The following RNLS variants were observed in gnomAD, a reference collection of about 807,000 sequenced individuals.
RNLS encodes the protein renalase, FAD dependent amine oxidase.
RNLS carries 39 observed loss-of-function variants against 39.8 expected under a neutral mutation model. The ratio of observed to expected loss-of-function variants is 0.98; its 90% CI spans 0.76 to 1.28. The LOEUF is 1.28. Ranked by LOEUF, RNLS falls within the 50% of genes most tolerant of loss-of-function variation. The probability of loss-of-function intolerance (pLI) is 0.00; values close to 1 mark genes in which losing one functional copy is unlikely to be tolerated. For missense variants in RNLS, 410 were observed against 413.3 expected (o/e 0.99, Z 0.07); for synonymous variants, 147 against 150.7 (o/e 0.98, Z 0.18).
At chr10:88,460,452 T>G (rs1002347293) in intron 4 of RNLS, among the ~76,000 whole-genome samples, 2 of 152,098 alleles carry the variant, frequency 1.3e-5, no homozygotes, top group African/African-American at 4.8e-5. Context: ...TCCCAGATTA[T>G]CCACCTGAGG....
intron 4 of RNLS, among the ~76,000 whole-genome samples, chr10:88,553,710 T>C (rs1469708823): frequency 6.6e-6 from 1 of 152,188 alleles, no homozygotes; most frequent in Non-Finnish European, 1.5e-5. Flanking sequence ...TCCGTCTTTA[T>C]TAATGCTAAT....
chr10:88,534,594 G>C (rs1847634498), intron 4 of RNLS, among the ~76,000 whole-genome samples: 1 of 152,070 alleles, frequency 6.6e-6, no homozygotes, highest in African/African-American at 2.4e-5. Flanking sequence ...GATTCCTCTT[G>C]TGTCAATGAA....
intron 4 of RNLS, among the ~76,000 whole-genome samples, chr10:88,444,966 G>A (rs1841951425): frequency 6.6e-6 from 1 of 152,098 alleles, no homozygotes; most frequent in African/African-American, 2.4e-5. Flanking sequence ...GAAATACAGA[G>A]AATGCCATAA....
chr10:88,465,972 G>A (rs1843181121), intron 4 of RNLS, among the ~76,000 whole-genome samples: 2 of 151,972 alleles, frequency 1.3e-5, no homozygotes, highest in Non-Finnish European at 2.9e-5. Flanking sequence ...GAAACCCTGG[G>A]GCAGAGCTAC....
At chr10:88,479,980 A>G (rs186069270) in intron 4 of RNLS, among the ~76,000 whole-genome samples, 157 of 152,166 alleles carry the variant, frequency 1.0e-3, no homozygotes, top group East Asian at 7.7e-4. Flanking sequence ...ACATTCATCA[A>G]GTGTTTGCCT....
chr10:88,242,409 T>C, the RNLS span, among the ~76,000 whole-genome samples: 1 of 152,238 alleles, frequency 6.6e-6, no homozygotes, highest in South Asian at 2.1e-4. Flanking sequence ...GTTTTCCTCA[T>C]AGCATTTATT....
intron 6 of RNLS, among the ~76,000 whole-genome samples, chr10:88,278,891 A>G (rs967130044): frequency 1.3e-5 from 2 of 152,192 alleles, no homozygotes; most frequent in African/African-American, 4.8e-5. Context: ...GTACTTACTA[A>G]TATTAGAATA....
At chr10:88,570,389 C>T (rs1000910630) in intron 4 of RNLS, among the ~76,000 whole-genome samples, 2 of 152,100 alleles carry the variant, frequency 1.3e-5, no homozygotes, top group Non-Finnish European at 1.5e-5. Flanking sequence ...AGAAGTAATA[C>T]GGACCAGTGA....
At chr10:88,580,653 T>C (rs1450156895) in intron 3 of RNLS, among the ~76,000 whole-genome samples, 1 of 151,984 alleles carries the variant, frequency 6.6e-6, no homozygotes. Flanking sequence ...AAGGAACAAA[T>C]GAAAATCCTA....
chr10:88,299,372 C>T (rs1226131610), intron 6 of RNLS, among the ~76,000 whole-genome samples: 1 of 152,140 alleles, frequency 6.6e-6, no homozygotes, highest in Non-Finnish European at 1.5e-5. Context: ...CCTGTAATCC[C>T]AGCACTTTGG....
At chr10:88,370,626 C>T (rs548648175) in intron 4 of RNLS, among the ~76,000 whole-genome samples, 34 of 152,216 alleles carry the variant, frequency 2.2e-4, no homozygotes, top group African/African-American at 6.3e-4. Context: ...ATGTTGTGCA[C>T]GAATTCAACT....
chr10:88,384,984 T>C (rs1463702141), intron 4 of RNLS, among the ~76,000 whole-genome samples: 1 of 152,198 alleles, frequency 6.6e-6, no homozygotes, highest in Admixed American at 6.5e-5. Flanking sequence ...CACTTAACCT[T>C]TCTGAGCTGA....
chr10:88,524,960 C>CACACACACAT (rs1390204991), intron 4 of RNLS, among the ~76,000 whole-genome samples: 71 of 88,954 alleles, frequency 8.0e-4, no homozygotes, highest in African/African-American at 2.1e-3. Context: ...CACACACATA[C>CACACACACAT]ATATATATAT....
chr10:88,382,132 T>G (rs1372235724), intron 4 of RNLS, among the ~76,000 whole-genome samples: 1 of 152,114 alleles, frequency 6.6e-6, no homozygotes, highest in Non-Finnish European at 1.5e-5. Context: ...ATAGTTATCA[T>G]TTGATTGTGT....
At chr10:88,273,059 G>T (rs554999121), downstream of RNLS, among the ~76,000 whole-genome samples, 3 of 152,278 alleles carry the variant, frequency 2.0e-5, no homozygotes, top group South Asian at 4.1e-4. Flanking sequence ...CCCCACTGTG[G>T]ATCACTGTGG....
intron 4 of RNLS, among the ~76,000 whole-genome samples, chr10:88,554,008 C>G (rs1488250608): frequency 6.6e-6 from 1 of 152,088 alleles, no homozygotes; most frequent in Non-Finnish European, 1.5e-5. Context: ...CTGAAAGAAA[C>G]TACCATTTAC....
the RNLS span, among the ~76,000 whole-genome samples, chr10:88,175,206 AT>A: frequency 6.6e-6 from 1 of 151,850 alleles, no homozygotes; most frequent in East Asian, 1.9e-4. Context: ...AAAAAAATGA[AT>A]TTTTTGTTCA....
the RNLS span, among the ~76,000 whole-genome samples, chr10:88,186,312 G>A: frequency 2.0e-5 from 3 of 152,130 alleles, no homozygotes; most frequent in Non-Finnish European, 1.5e-5. Context: ...TGAATACCCC[G>A]ATTATTTTTA....
At chr10:88,473,527 G>A (rs1001416068) in intron 4 of RNLS, among the ~76,000 whole-genome samples, 9 of 152,108 alleles carry the variant, frequency 5.9e-5, no homozygotes, top group African/African-American at 2.2e-4. Context: ...TACAGTCCAG[G>A]TATGCAATCT....
Sources: gnomAD v4.1 joint callset for allele counts (sites outside exome capture counted in the v4.1 genomes callset) on GRCh38, gnomAD v4.1.1 for gene constraint, MANE v1.5 for transcripts, NCBI Gene and HGNC (gene_info 2026-07-23, HGNC 2026-07-21) for gene names.